The following CELF2 variants were observed in gnomAD, a reference collection of about 807,000 sequenced individuals.
CELF2 encodes CUG triplet repeat RNA-binding protein 2.
Under a neutral mutation model 62.6 loss-of-function variants are expected in CELF2, and 8 were observed. The ratio of observed to expected loss-of-function variants is 0.13; its 90% CI spans 0.07 to 0.23. The LOEUF (loss-of-function observed/expected upper bound fraction) is 0.23, where lower values mean the gene tolerates loss of function less well. CELF2 is among the 10% of genes least tolerant of loss of function. CELF2 has a pLI of 1.00. For missense variants in CELF2, 333 were observed against 671.0 expected (o/e 0.50, Z 5.56); for synonymous variants, 258 against 250.0 (o/e 1.03, Z -0.30).
chr10:11,217,296 G>A lies in CELF2; in HGVS notation c.272-129G>A. Reference sequence around the variant, plus strand: ...AAATGCTTGAGATGTTGTTATTGCTGTTCTCATATGCTTTATTATTTTTAA... The same window carrying A: ...AAATGCTTGAGATGTTGTTATTGCTATTCTCATATGCTTTATTATTTTTAA... On this transcript the variant is annotated intron_variant, in intron 2 of 12. Transcript: ENST00000633077. This position sits in a 1 kb window ranked among gnomAD's most constrained non-coding sequence, Gnocchi z 5.6. 1 of 583,482 alleles carries A rather than the reference G, an allele frequency of 1.7e-6. No homozygotes were observed. Among genetic ancestry groups the A allele is most frequent in the Non-Finnish European group, 3.0e-6 (1 of 327,962 alleles). The allele number at this position is 583,482 out of a possible 1,614,324, so 36.1% of individuals were successfully genotyped here. A position where few individuals can be genotyped will look rare whatever the true frequency, so the allele number is the denominator to read the frequency against.
chr10:10,571,942 CA>C, the CELF2 span, among the ~76,000 whole-genome samples: 2 of 152,106 alleles, frequency 1.3e-5, no homozygotes, highest in Non-Finnish European at 2.9e-5. Flanking sequence ...TCAGTCACAG[CA>C]ATACTCTTAT....
At chr10:10,705,304 C>T in the CELF2 span, among the ~76,000 whole-genome samples, 4 of 148,814 alleles carry the variant, frequency 2.7e-5, no homozygotes, top group Non-Finnish European at 5.9e-5. Flanking sequence ...AAACTCTGTG[C>T]GTGTGTGAGT....
At chr10:10,636,735 G>A in the CELF2 span, among the ~76,000 whole-genome samples, 1 of 152,096 alleles carries the variant, frequency 6.6e-6, no homozygotes, top group Non-Finnish European at 1.5e-5. Context: ...ACATCACAGG[G>A]TCAATAATAT....
chr10:11,098,840 C>G lies in CELF2; in HGVS notation c.75-66646C>G, dbSNP rs2050655109. 6.6e-6 allele frequency among the ~76,000 whole-genome samples: 1 copy of G among 152,196 alleles called. No homozygotes were observed. Among genetic ancestry groups the G allele is most frequent in the African/African-American group, 2.4e-5 (1 of 41,448 alleles). Reference sequence around the variant, plus strand: ...GGCTCTGCACCGGGTGATAATTCTACCTGGGCAGCAGGCCACGCGTGAGAG... The same window carrying G: ...GGCTCTGCACCGGGTGATAATTCTAGCTGGGCAGCAGGCCACGCGTGAGAG... On this transcript the variant is annotated intron_variant, in intron 1 of 12. Transcript: ENST00000633077. This position sits in a 1 kb window ranked among gnomAD's most constrained non-coding sequence, Gnocchi z 4.0.
chr10:10,703,274 C>T, the CELF2 span, among the ~76,000 whole-genome samples: 1 of 152,146 alleles, frequency 6.6e-6, no homozygotes, highest in Non-Finnish European at 1.5e-5. Context: ...GATGAGGAAA[C>T]CTGAGTTGGG....
rs113609276 is a variant in CELF2, at chr10:11,280,748, G to T, written c.841+5628G>T. 6.6e-6 allele frequency among the ~76,000 whole-genome samples: 1 copy of T among 152,208 alleles called. No individual in the cohort carries two copies. The highest frequency in any genetic ancestry group is 1.9e-4 in the East Asian group (1 of 5,188). ...CTGCCTGGCTGAGTGGACAGAGGCC[G>T]CTCTGGGTGGGGGAAACGGTGCCCT... On this transcript the variant is annotated intron_variant, in intron 8 of 12. Coordinates refer to ENST00000633077, the MANE Select transcript of CELF2 (RefSeq NM_001326342.2). The surrounding 1 kb of genome is among the most constrained non-coding windows in gnomAD (Gnocchi z 7.6).
chr10:11,058,461 G>GTTTTTTTTTTTTT (rs67113152), intron 1 of CELF2, among the ~76,000 whole-genome samples: 61 of 116,786 alleles, frequency 5.2e-4, no homozygotes, highest in Non-Finnish European at 6.3e-4. Context: ...TTTTTTGTTG[G>GTTTTTTTTTTTTT]TTTTTTTTTT....
the CELF2 span, among the ~76,000 whole-genome samples, chr10:10,606,543 A>T: frequency 8.7e-4 from 132 of 152,310 alleles, no homozygotes; most frequent in Non-Finnish European, 1.2e-3. Flanking sequence ...CTTAGCACAT[A>T]TTTTCACAAG....
At chr10:10,881,252 G>T (rs1022453831) in intron 1 of CELF2, among the ~76,000 whole-genome samples, 2 of 152,118 alleles carry the variant, frequency 1.3e-5, no homozygotes, top group African/African-American at 4.8e-5. Context: ...TTTCAGAACT[G>T]GTGCATGGAT....
upstream of CELF2, among the ~76,000 whole-genome samples, chr10:10,794,186 G>GT (rs1313555615): frequency 6.6e-6 from 1 of 152,130 alleles, no homozygotes; most frequent in South Asian, 2.1e-4. Flanking sequence ...AAGTGCTGGG[G>GT]TTTTTTAGCT....
At chr10:11,018,608 G>C (rs1023952563) in intron 1 of CELF2, among the ~76,000 whole-genome samples, 37 of 151,134 alleles carry the variant, frequency 2.4e-4, no homozygotes, top group Admixed American at 1.4e-3. Flanking sequence ...GCGGAGTCCC[G>C]GGGTCCGGTG....
At chr10:11,107,864 ACCATCTCCTC>A (rs2053945754) in intron 1 of CELF2, among the ~76,000 whole-genome samples, 4 of 68,454 alleles carry the variant, frequency 5.8e-5, no homozygotes, top group Non-Finnish European at 1.4e-4. Context: ...CATCCCTTCT[ACCATCTCCTC>A]CCTTCTCCCA....
intron 4 of CELF2, among the ~76,000 whole-genome samples, chr10:11,257,336 CAAAAAAAAAAA>C (rs61363639): frequency 8.7e-6 from 1 of 114,750 alleles, no homozygotes; most frequent in Admixed American, 9.5e-5. Flanking sequence ...AGACCATCTA[CAAAAAAAAAAA>C]AAAAAAAAAC....
chr10:11,274,344 A>G (rs2085135096), intron 7 of CELF2, among the ~76,000 whole-genome samples: 1 of 152,228 alleles, frequency 6.6e-6, no homozygotes, highest in South Asian at 2.1e-4. Context: ...GCACCCACTC[A>G]TTCTGCATGG....
chr10:11,332,211 G>A lies in CELF2; in HGVS notation c.*3158G>A, dbSNP rs1367216662. Reference sequence around the variant, plus strand: ...CAATCCTGTATGCTTTTGAGATCACGTTTAGTGCTATGTCCTAGTCTAGAA... The same window carrying A: ...CAATCCTGTATGCTTTTGAGATCACATTTAGTGCTATGTCCTAGTCTAGAA... On this transcript the variant is annotated 3_prime_UTR_variant, in exon 13 of 13. Coordinates refer to ENST00000633077, the MANE Select transcript of CELF2 (RefSeq NM_001326342.2). 1 of 152,158 alleles carries A rather than the reference G, an allele frequency of 6.6e-6. No individual in the cohort carries two copies. The highest frequency in any genetic ancestry group is 1.5e-5 in the Non-Finnish European group (1 of 68,026). The allele number at this position is 152,158 out of a possible 1,614,324, so 9.4% of individuals were successfully genotyped here.
At chr10:11,144,485 C>T (rs1271793694) in intron 1 of CELF2, among the ~76,000 whole-genome samples, 2 of 152,034 alleles carry the variant, frequency 1.3e-5, no homozygotes, top group Non-Finnish European at 2.9e-5. Context: ...TTGGCTCTCC[C>T]ATGCTCCTGT....
At chr10:10,611,016 G>T in the CELF2 span, among the ~76,000 whole-genome samples, 8 of 152,196 alleles carry the variant, frequency 5.3e-5, no homozygotes, top group Admixed American at 5.2e-4. Flanking sequence ...AGGCTAATGA[G>T]TTTGGACGAG....
At chr10:10,651,109 C>T in the CELF2 span, among the ~76,000 whole-genome samples, 21,374 of 141,346 alleles carry the variant, frequency 0.15, 2,128 homozygotes, top group South Asian at 0.37. Flanking sequence ...AAAGGGGTGA[C>T]GGATGCACCT....
the CELF2 span, among the ~76,000 whole-genome samples, chr10:10,754,732 C>T: frequency 6.6e-6 from 1 of 152,314 alleles, no homozygotes; most frequent in South Asian, 2.1e-4. Context: ...TGACTCCTTG[C>T]TCTTTAGCCT....
Sources: gnomAD v4.1 joint callset for allele counts (sites outside exome capture counted in the v4.1 genomes callset) on GRCh38, gnomAD v4.1.1 for gene constraint, Gnocchi (gnomAD v3.1) non-coding constraint, MANE v1.5 for transcripts, NCBI Gene and HGNC (gene_info 2026-07-23, HGNC 2026-07-21) for gene names.